Variants in MMD2 observed in about 807,000 individuals in gnomAD.
MMD2 encodes the protein monocyte to macrophage differentiation factor 2.
In MMD2, 30 loss-of-function variants were observed where a neutral mutation model predicts 33.5. The ratio of observed to expected loss-of-function variants is 0.90; its 90% CI spans 0.67 to 1.22. The LOEUF is 1.22. Among genes scored for constraint, MMD2 ranks in the 50% most tolerant of loss-of-function variants. The pLI, the probability that MMD2 is intolerant of heterozygous loss-of-function variation, is 0.00. For synonymous variants in MMD2, 129 were observed against 123.0 expected (o/e 1.05, Z -0.32); for missense variants, 364 against 325.4 (o/e 1.12, Z -0.91).
At chr7:4,900,641 T>C in the MMD2 span, among the ~76,000 whole-genome samples, 1 of 152,042 alleles carries the variant, frequency 6.6e-6, no homozygotes, top group Admixed American at 6.6e-5. Flanking sequence ...ACCCCAGCAG[T>C]GGAGCAACAT....
the MMD2 span, among the ~76,000 whole-genome samples, chr7:4,892,408 T>C: frequency 4.0e-5 from 6 of 151,896 alleles, no homozygotes; most frequent in African/African-American, 1.5e-4. Context: ...GCCTACATGG[T>C]GAAACTCCGT....
intron 6 of MMD2, 23 bp from the exon 7 acceptor site, chr7:4,907,622 G>A (rs555878297): frequency 1.9e-6 from 3 of 1,611,310 alleles, no homozygotes; most frequent in East Asian, 2.2e-5. Flanking sequence ...ACAAGGGTGG[G>A]GCACAGGTCA....
chr7:4,950,667 G>A (rs951444576), intron 1 of MMD2, among the ~76,000 whole-genome samples: 10 of 151,548 alleles, frequency 6.6e-5, no homozygotes, highest in Non-Finnish European at 1.2e-4. Context: ...AGGCTACCGC[G>A]TGTGCCAGAA....
chr7:4,892,611 T>A, the MMD2 span, among the ~76,000 whole-genome samples: 1 of 150,060 alleles, frequency 6.7e-6, no homozygotes, highest in African/African-American at 2.4e-5. Flanking sequence ...AATAAATAAA[T>A]AAATAAATCT....
chr7:4,933,615 T>G (rs2115126778), intron 1 of MMD2, among the ~76,000 whole-genome samples: 1 of 151,276 alleles, frequency 6.6e-6, no homozygotes, highest in East Asian at 1.9e-4. Context: ...GTTTGTTCAT[T>G]CATTCTCCAG....
chr7:4,911,095 A>T (rs1028221584), intron 5 of MMD2, 50 bp downstream of exon 5: 2 of 1,453,664 alleles, frequency 1.4e-6, no homozygotes, highest in Non-Finnish European at 1.9e-6. Context: ...TGGGGAGGCC[A>T]GAGCATCTAA....
intron 1 of MMD2, among the ~76,000 whole-genome samples, chr7:4,943,580 C>A (rs1011868384): frequency 2.0e-5 from 3 of 152,136 alleles, no homozygotes; most frequent in African/African-American, 4.8e-5. Flanking sequence ...TTAGGCTGAG[C>A]ACTCACACTG....
chr7:4,922,637 C>T (rs780228666), intron 2 of MMD2, among the ~76,000 whole-genome samples: 66 of 152,080 alleles, frequency 4.3e-4, no homozygotes, highest in Non-Finnish European at 9.1e-4. Flanking sequence ...TGCAGTGGTA[C>T]AATCATAGCT....
chr7:4,909,598 T>A (rs535924706), intron 6 of MMD2: 7 of 626,684 alleles, frequency 1.1e-5, no homozygotes, highest in Non-Finnish European at 2.0e-5. Flanking sequence ...GTGCACCACA[T>A]CTGGCTAATT....
At chr7:4,937,769 C>T (rs1030026270) in intron 1 of MMD2, among the ~76,000 whole-genome samples, 12 of 151,656 alleles carry the variant, frequency 7.9e-5, no homozygotes, top group Admixed American at 7.9e-4. Flanking sequence ...CTCAGCCTCT[C>T]GAGTAGCTAG....
chr7:4,945,199 T>TCTTCTTCTTCTTCTTCTTCTTCTC (rs1342860722), intron 1 of MMD2, among the ~76,000 whole-genome samples: 35 of 137,568 alleles, frequency 2.5e-4, no homozygotes, highest in African/African-American at 9.1e-4. Context: ...TTCTTCTTCT[T>TCTTCTTCTTCTTCTTCTTCTTCTC]CTTCTTCTTC....
rs542486744 is a variant in MMD2 at position 4,944,902 on chromosome 7, G to A, written c.47+14069C>T. Among the ~76,000 whole-genome samples the A allele has an allele frequency of 3.5e-4, 53 of 150,708 alleles. No homozygotes were observed. The South Asian group carries it at 0.011, about 31-fold the overall frequency. ...CCTGCCTCAGCCTCCTGAATAGCTG[G>A]GACTACAGGCGCCCGCCACCATGCC... is the stretch of plus-strand genomic sequence containing the variant. On this transcript the variant is annotated intron_variant, in intron 1 of 6. Coordinates refer to ENST00000401401, the MANE Select transcript of MMD2 (RefSeq NM_198403.4).
chr7:4,932,310 C>T (rs996794460), intron 1 of MMD2, among the ~76,000 whole-genome samples: 10 of 152,114 alleles, frequency 6.6e-5, no homozygotes, highest in Middle Eastern at 3.2e-3. Flanking sequence ...CCCTGAAGAC[C>T]CGAGCACTTT....
At chr7:4,899,273 T>A in the MMD2 span, among the ~76,000 whole-genome samples, 1 of 152,174 alleles carries the variant, frequency 6.6e-6, no homozygotes, top group Non-Finnish European at 1.5e-5. Flanking sequence ...GGTATTTTGT[T>A]ATAGCAGCCA....
intron 2 of MMD2, among the ~76,000 whole-genome samples, chr7:4,924,329 G>C (rs1245198568): frequency 6.6e-6 from 1 of 152,284 alleles, no homozygotes; most frequent in Non-Finnish European, 1.5e-5. Context: ...CCTGGGCTCA[G>C]GCCAAACACA....
intron 4 of MMD2, among the ~76,000 whole-genome samples, 192 bp downstream of exon 4, chr7:4,915,813 T>G (rs1785126799): frequency 6.6e-6 from 1 of 151,862 alleles, no homozygotes; most frequent in Admixed American, 6.6e-5. Context: ...AAGTGAGTTA[T>G]TTTCTGCATA....
At chr7:4,933,203 T>C (rs997445488) in intron 1 of MMD2, among the ~76,000 whole-genome samples, 52 of 151,858 alleles carry the variant, frequency 3.4e-4, no homozygotes, top group Admixed American at 1.5e-3. Flanking sequence ...CTCTACAAAA[T>C]ATTAAAAAAT....
chr7:4,949,519 C>CT lies in MMD2; in HGVS notation c.47+9451dup, dbSNP rs941391022. Among the ~76,000 whole-genome samples, 379 of 144,946 alleles carry CT rather than the reference C, an allele frequency of 2.6e-3. 1 individual carries two copies. Among genetic ancestry groups the CT allele is most frequent in the African/African-American group, 4.7e-3 (186 of 39,762 alleles). On this transcript the variant is annotated intron_variant, in intron 1 of 6. Transcript: ENST00000401401. ...TTGCTGCAAATGACAGAATCTCAGT[C>CT]TTTTTTTTTTTTAGATGGAGTCTCA...
chr7:4,935,060 C>A (rs1295267710), intron 1 of MMD2, among the ~76,000 whole-genome samples: 3 of 152,094 alleles, frequency 2.0e-5, no homozygotes, highest in South Asian at 2.1e-4. Flanking sequence ...GTGGCGCACA[C>A]CTGTAATTCC....
Sources: allele counts gnomAD v4.1 joint callset (sites outside exome capture counted in the v4.1 genomes callset), GRCh38; gene constraint gnomAD v4.1.1; transcripts MANE v1.5; gene names NCBI Gene and HGNC (gene_info 2026-07-23, HGNC 2026-07-21).